Variants in STON2 observed in about 807,000 individuals in gnomAD.
STON2 encodes stonin-2.
In STON2, 29 loss-of-function variants were observed where a neutral mutation model predicts 65.7. That is an observed-to-expected ratio of 0.44 (90% CI 0.33 to 0.60). The LOEUF is 0.60. Ranked by LOEUF, STON2 falls within the 20% of genes least tolerant of loss-of-function variation. STON2 has a pLI of 0.03. For synonymous variants in STON2, 404 were observed against 414.2 expected, an observed-to-expected ratio of 0.98 and a Z score of 0.30; for missense variants, 1,054 against 1,118.1, an observed-to-expected ratio of 0.94 and a Z score of 0.82.
At chr14:81,356,012 C>T (rs1898214562) in intron 4 of STON2, among the ~76,000 whole-genome samples, 1 of 152,104 alleles carries the variant, frequency 6.6e-6, no homozygotes, top group Non-Finnish European at 1.5e-5. Context: ...CTTCTCCTGC[C>T]TAATTGCCCT....
intron 1 of STON2, among the ~76,000 whole-genome samples, chr14:81,429,335 T>C (rs1442561268): frequency 3.3e-5 from 5 of 152,346 alleles, no homozygotes. Flanking sequence ...CAACAAGTCA[T>C]TTGACCTTTC....
chr14:81,373,399 C>T (rs932365683), intron 3 of STON2, among the ~76,000 whole-genome samples: 3 of 151,906 alleles, frequency 2.0e-5, no homozygotes, highest in Non-Finnish European at 4.4e-5. Context: ...AAAAGCAAAG[C>T]CAAATTTATA....
At chr14:81,272,672 T>TATATTACTGTTATA (rs1894648910) in intron 6 of STON2, among the ~76,000 whole-genome samples, 5 of 152,232 alleles carry the variant, frequency 3.3e-5, no homozygotes, top group African/African-American at 4.8e-5. Flanking sequence ...CAGAAAAGAA[T>TATATTACTGTTATA]TTAAGATACA....
chr14:81,333,102 A>G, intron 4 of STON2: 1 of 966,254 alleles, frequency 1.0e-6, no homozygotes, highest in Non-Finnish European at 1.6e-6. Context: ...GTTTGGATTC[A>G]TATTTCTTTG....
intron 4 of STON2, among the ~76,000 whole-genome samples, chr14:81,354,529 A>AG (rs1255514448): frequency 6.6e-6 from 1 of 152,230 alleles, no homozygotes; most frequent in Non-Finnish European, 1.5e-5. Flanking sequence ...CCCAAAAGAA[A>AG]GGGGGATCTA....
chr14:81,287,107 A>C (rs1035796599), intron 5 of STON2, among the ~76,000 whole-genome samples: 2 of 152,234 alleles, frequency 1.3e-5, no homozygotes, highest in African/African-American at 2.4e-5. Context: ...GTCATGCACT[A>C]ATGTGTAAAT....
intron 5 of STON2, among the ~76,000 whole-genome samples, chr14:81,298,079 T>C (rs1023856165): frequency 6.6e-6 from 1 of 152,056 alleles, no homozygotes; most frequent in African/African-American, 2.4e-5. Flanking sequence ...GCCATGCACA[T>C]TAAGTACTGA....
intron 4 of STON2, among the ~76,000 whole-genome samples, chr14:81,334,068 G>T (rs1212516164): frequency 1.3e-5 from 2 of 152,152 alleles, no homozygotes; most frequent in African/African-American, 2.4e-5. Context: ...AGCAAACCCA[G>T]TGAGAATGCA....
chr14:81,351,443 T>C (rs1240668091), intron 4 of STON2, among the ~76,000 whole-genome samples: 1 of 152,194 alleles, frequency 6.6e-6, no homozygotes, highest in Non-Finnish European at 1.5e-5. Context: ...CAAAACTCCC[T>C]AGAGAACCTG....
intron 3 of STON2, among the ~76,000 whole-genome samples, chr14:81,378,223 G>A (rs1899345508): frequency 6.6e-6 from 1 of 151,896 alleles, no homozygotes; most frequent in African/African-American, 2.4e-5. Context: ...TAGTCCTTTT[G>A]TTTTTATTCT....
intron 3 of STON2, among the ~76,000 whole-genome samples, chr14:81,376,991 T>C (rs186735704): frequency 6.6e-5 from 10 of 152,306 alleles, no homozygotes; most frequent in Middle Eastern, 3.4e-3. Context: ...ATCTTATTCA[T>C]ATTTCCCCAG....
chr14:81,400,974 C>T (rs747997161), upstream of STON2, among the ~76,000 whole-genome samples: 25 of 152,188 alleles, frequency 1.6e-4, no homozygotes, highest in Admixed American at 1.5e-3. Flanking sequence ...ATGAAAACAG[C>T]AGGTGACCTT....
chr14:81,398,503 G>A lies in STON2; in HGVS notation c.-121C>T. ...AGACTTGGGTCCAGGGTCTGTTCTA[G>A]GTGTCTTGCCAAGGGCAGTACTCAG... On this transcript the variant is annotated 5_prime_UTR_variant, in exon 2 of 8. Transcript: ENST00000614646. 1 of 681,460 alleles carries A rather than the reference G, an allele frequency of 1.5e-6. No homozygotes were observed. Among genetic ancestry groups the A allele is most frequent in the South Asian group, 1.9e-5 (1 of 51,532 alleles). The allele number at this position is 681,460 out of a possible 1,614,324, so 42.2% of individuals were successfully genotyped here. A position where few individuals can be genotyped will look rare whatever the true frequency, so the allele number is the denominator to read the frequency against.
intron 2 of STON2, among the ~76,000 whole-genome samples, chr14:81,410,110 T>C (rs987075994): frequency 6.6e-6 from 1 of 152,012 alleles, no homozygotes; most frequent in African/African-American, 2.4e-5. Context: ...ACAATAATCA[T>C]AGGAAGGACA....
chr14:81,412,904 G>T, intron 2 of STON2: 1 of 605,870 alleles, frequency 1.7e-6, no homozygotes, highest in South Asian at 2.3e-5. Context: ...AGCTCCAGCC[G>T]GGCGATGCTT....
intron 5 of STON2, among the ~76,000 whole-genome samples, chr14:81,302,814 G>C (rs1198284503): frequency 6.6e-6 from 1 of 152,198 alleles, no homozygotes; most frequent in Non-Finnish European, 1.5e-5. Context: ...TATCAAATGG[G>C]ATAACGATGC....
chr14:81,328,432 G>C (rs1897078212), intron 4 of STON2, among the ~76,000 whole-genome samples: 1 of 152,164 alleles, frequency 6.6e-6, no homozygotes, highest in African/African-American at 2.4e-5. Context: ...CCAGGGTTGA[G>C]GAGCAGAATC....
chr14:81,337,529 C>A (rs993430075), intron 4 of STON2, among the ~76,000 whole-genome samples: 1 of 152,010 alleles, frequency 6.6e-6, no homozygotes, highest in Non-Finnish European at 1.5e-5. Context: ...GCACAGGAGA[C>A]CCTATTTTAC....
At chr14:81,373,526 A>C (rs1899101329) in intron 3 of STON2, among the ~76,000 whole-genome samples, 1 of 152,214 alleles carries the variant, frequency 6.6e-6, no homozygotes, top group Non-Finnish European at 1.5e-5. Context: ...AATGCATCAC[A>C]CGGTGAGCAA....
Sources: allele counts gnomAD v4.1 joint callset (sites outside exome capture counted in the v4.1 genomes callset), GRCh38; gene constraint gnomAD v4.1.1; transcripts MANE v1.5; gene names NCBI Gene and HGNC (gene_info 2026-07-23, HGNC 2026-07-21).